Variants in FBP2 observed in about 807,000 individuals in gnomAD.
FBP2 encodes fructose-bisphosphatase 2.
FBP2 carries 27 observed loss-of-function variants against 31.6 expected under a neutral mutation model. The ratio of observed to expected loss-of-function variants is 0.85; its 90% confidence interval spans 0.63 to 1.18. The LOEUF (loss-of-function observed/expected upper bound fraction) is 1.18, where lower values mean the gene tolerates loss of function less well. FBP2 is among the 50% of genes most tolerant of loss of function. The pLI, the probability that FBP2 is intolerant of heterozygous loss-of-function variation, is 0.00. For missense variants in FBP2, 421 were observed against 436.1 expected (o/e 0.97, Z 0.31); for synonymous variants, 168 against 179.8 (o/e 0.93, Z 0.53).
In FBP2 at chr9:94,593,809, C is replaced by A; in HGVS notation, c.-83G>T. ...GGGCTGCAGCTCCGCAGTGTGGAAG[C>A]CGATAAGAAATCTGTGCTGGCCCTG... On this transcript the variant is annotated 5_prime_UTR_variant, in exon 1 of 7. Transcript: ENST00000375337. 1 of 1,487,212 alleles carries A rather than the reference C, an allele frequency of 6.7e-7. No individual in the cohort carries two copies. The highest frequency in any genetic ancestry group is 9.2e-7 in the Non-Finnish European group (1 of 1,091,076). 92.1% of individuals were successfully genotyped at this position (1,487,212 alleles called of 1,614,324 possible).
At chr9:94,576,714 C>T (rs600130) in intron 3 of FBP2, 140,712 of 152,350 alleles carry the variant, frequency 0.92, 65,052 homozygotes, top group African/African-American at 0.95. Context: ...TTTGAAACTT[C>T]GGAACTTGGT....
chr9:94,564,557 G>A (rs1181462270), intron 5 of FBP2, among the ~76,000 whole-genome samples: 1 of 152,176 alleles, frequency 6.6e-6, no homozygotes, highest in East Asian at 1.9e-4. Flanking sequence ...AACTAACACG[G>A]AAATAGGAAA....
rs768240058 is a variant in FBP2, at chr9:94,567,406, G to T, written c.569C>A (p.Ala190Asp). The T allele has an allele frequency of 6.2e-7, 1 of 1,613,948 alleles. No homozygotes were observed. The change falls in exon 5 of 7, where the codon GCT becomes GAT. Residue 190 changes from alanine (A) to aspartate (D), a missense_variant and splice_region_variant. Coordinates refer to ENST00000375337, the MANE Select transcript of FBP2 (RefSeq NM_003837.4). ...TTCCACCAGGACAAATTCACCAAGA[G>T]CCTAGCAACATGAAGAGAGATGCCA... ...QGVDLFMLDP[A>D]LGEFVLVEKD...
intron 3 of FBP2, among the ~76,000 whole-genome samples, chr9:94,579,379 CAG>C (rs1827352536): frequency 9.1e-6 from 1 of 109,784 alleles, no homozygotes; most frequent in African/African-American, 3.5e-5. Flanking sequence ...GCCTGGGCGA[CAG>C]AGTGAGACTC....
chr9:94,591,203 C>T lies in FBP2; in HGVS notation c.170+2354G>A, dbSNP rs1452801829. Among the ~76,000 whole-genome samples the T allele has an allele frequency of 4.6e-5, 7 of 152,350 alleles. No individual in the cohort carries two copies. The East Asian group carries it at 5.8e-4, about 13-fold the overall frequency. On this transcript the variant is annotated intron_variant, in intron 1 of 6. Transcript: ENST00000375337. ...GCGCTGTGGAGCGGGGGGTGGCGCT[C>T]GTCGGGGAGGCTCGGGCCGCACAGG... is the stretch of plus-strand genomic sequence containing the variant.
chr9:94,562,116 C>A (rs1043737531), intron 6 of FBP2, among the ~76,000 whole-genome samples: 1 of 151,892 alleles, frequency 6.6e-6, no homozygotes, highest in African/African-American at 2.4e-5. Flanking sequence ...TCGAGACCAT[C>A]CTGGCTAACA....
rs746957973 is a variant in FBP2 at position 94,587,334 on chromosome 9, G to A, written c.306C>T (p.Asp102=). The A allele has an allele frequency of 1.7e-5, 27 of 1,612,760 alleles. No individual in the cohort carries two copies. Among genetic ancestry groups the A allele is most frequent in the Middle Eastern group, 1.7e-4 (1 of 5,880 alleles). Residue 102 remains aspartate, a synonymous_variant, in exon 2 of 7, where the codon GAC becomes GAT. Transcript: ENST00000375337. ...GCTTCTCCTTGGCGGTGATGATGGC[G>A]TCCTTATTCTCTTCTGAGACCAGGA... ...TCVLVSEENK[D]AIITAKEKRG...
At chr9:94,568,515 T>C (rs1167700121) in intron 4 of FBP2, 1 of 152,206 alleles carries the variant, frequency 6.6e-6, no homozygotes, top group African/African-American at 2.4e-5. Context: ...CAGATCCATT[T>C]TGATGAATGT....
At chr9:94,592,061 T>C (rs1346084298) in intron 1 of FBP2, among the ~76,000 whole-genome samples, 3 of 152,148 alleles carry the variant, frequency 2.0e-5, no homozygotes, top group Admixed American at 6.5e-5. Flanking sequence ...GGCAACCGCA[T>C]TGAGGATAGC....
chr9:94,570,808 A>G (rs1018572940), intron 4 of FBP2: 1 of 152,162 alleles, frequency 6.6e-6, no homozygotes, highest in African/African-American at 2.4e-5. Flanking sequence ...CTCTCCACAC[A>G]TGTGCACTAA....
intron 5 of FBP2, among the ~76,000 whole-genome samples, chr9:94,566,859 A>T (rs80066146): frequency 0.029 from 4,347 of 152,296 alleles, 191 homozygotes; most frequent in East Asian, 0.15. Flanking sequence ...TATGTTTCTA[A>T]TCTCTTTTAA....
At chr9:94,575,666 T>C (rs1827308625) in intron 3 of FBP2, among the ~76,000 whole-genome samples, 1 of 152,188 alleles carries the variant, frequency 6.6e-6, no homozygotes, top group African/African-American at 2.4e-5. Context: ...AATATCTGTT[T>C]AGCATTAGTA....
At chr9:94,576,226 A>G (rs886715534) in intron 3 of FBP2, among the ~76,000 whole-genome samples, 2 of 152,204 alleles carry the variant, frequency 1.3e-5, no homozygotes, top group Non-Finnish European at 1.5e-5. Flanking sequence ...ACTCAGCACA[A>G]TTCTCTTGCA....
chr9:94,593,503 C>A, intron 1 of FBP2, 54 bp downstream of exon 1: 6 of 1,540,592 alleles, frequency 3.9e-6, no homozygotes, highest in Non-Finnish European at 5.3e-6. Context: ...AGCTCCCACA[C>A]CCCTGCCTGG....
intron 3 of FBP2, among the ~76,000 whole-genome samples, chr9:94,573,799 TTGTC>T (rs1827291989): frequency 6.6e-6 from 1 of 152,256 alleles, no homozygotes; most frequent in African/African-American, 2.4e-5. Context: ...TGAACAATCT[TTGTC>T]TGGTTTTTGT....
At chr9:94,585,926 G>T (rs191735109) in intron 2 of FBP2, among the ~76,000 whole-genome samples, 3 of 151,014 alleles carry the variant, frequency 2.0e-5, no homozygotes, top group East Asian at 4.0e-4. Flanking sequence ...TTTATCTTTT[G>T]TATCTTTATG....
intron 3 of FBP2, among the ~76,000 whole-genome samples, chr9:94,573,904 G>C (rs1374875767): frequency 6.6e-6 from 1 of 152,104 alleles, no homozygotes; most frequent in African/African-American, 2.4e-5. Flanking sequence ...GTGAATATTT[G>C]TTATGTTTTT....
intron 4 of FBP2, chr9:94,569,239 G>C (rs987996514): frequency 6.6e-6 from 1 of 152,298 alleles, no homozygotes; most frequent in Non-Finnish European, 1.5e-5. Flanking sequence ...CTGAGTGAGA[G>C]GCGCAGCACT....
At chr9:94,559,907 C>T (rs1410116013) in intron 6 of FBP2, among the ~76,000 whole-genome samples, 2 of 152,074 alleles carry the variant, frequency 1.3e-5, no homozygotes, top group East Asian at 1.9e-4. Context: ...GCAAAAGGAT[C>T]GCTTGAGTCC....
Sources: allele counts gnomAD v4.1 joint callset (sites outside exome capture counted in the v4.1 genomes callset), GRCh38; gene constraint gnomAD v4.1.1; transcripts MANE v1.5; gene names NCBI Gene and HGNC (gene_info 2026-07-23, HGNC 2026-07-21).